Variants in CCSER2 observed in about 807,000 individuals in gnomAD.
CCSER2 encodes coiled-coil serine rich protein 2.
Under a neutral mutation model 92.3 loss-of-function variants are expected in CCSER2, and 46 were observed. The observed-to-expected ratio is 0.50, with a 90% CI of 0.39 to 0.64. The LOEUF is 0.64. Ranked by LOEUF, CCSER2 falls within the 30% of genes least tolerant of loss-of-function variation. CCSER2 has a pLI of 0.00. For synonymous variants in CCSER2, 433 were observed against 431.4 expected, an observed-to-expected ratio of 1.00 and a Z score of -0.04; for missense variants, 1,244 against 1,238.9, an observed-to-expected ratio of 1.00 and a Z score of -0.06.
intron 3 of CCSER2, chr10:84,374,033 A>G: frequency 5.7e-6 from 6 of 1,046,010 alleles, no homozygotes; most frequent in Non-Finnish European, 8.0e-6. Context: ...ACATGTTTAC[A>G]TATATATTCC....
At chr10:84,512,366 CAGTG>C (rs1849394228) in intron 9 of CCSER2, among the ~76,000 whole-genome samples, 1 of 97,146 alleles carries the variant, frequency 1.0e-5, no homozygotes, top group African/African-American at 3.9e-5. Context: ...ATTATTTAAA[CAGTG>C]TGTGTGTGTG....
intron 5 of CCSER2, among the ~76,000 whole-genome samples, chr10:84,428,985 G>GTATATATATA (rs60243946): frequency 0.024 from 3,352 of 140,196 alleles, 51 homozygotes; most frequent in Middle Eastern, 0.037. Context: ...GTGTGTATGT[G>GTATATATATA]TATATATATA....
intron 3 of CCSER2, among the ~76,000 whole-genome samples, chr10:84,407,629 GT>G (rs1358525294): frequency 6.6e-6 from 1 of 152,198 alleles, no homozygotes; most frequent in Non-Finnish European, 1.5e-5. Context: ...AACAAAACTG[GT>G]TTTTCTGTCT....
chr10:84,483,268 C>T (rs1368697833), intron 9 of CCSER2, among the ~76,000 whole-genome samples: 1 of 151,664 alleles, frequency 6.6e-6, no homozygotes, highest in African/African-American at 2.4e-5. Flanking sequence ...TGGTGCATGC[C>T]AATAATCCGA....
intron 1 of CCSER2, among the ~76,000 whole-genome samples, chr10:84,364,183 G>C (rs778901260): frequency 6.6e-6 from 1 of 152,116 alleles, no homozygotes; most frequent in Non-Finnish European, 1.5e-5. Context: ...GAATGTGAAG[G>C]CCTAAGACAT....
At chr10:84,449,512 C>G (rs570873812) in intron 6 of CCSER2, among the ~76,000 whole-genome samples, 2 of 152,282 alleles carry the variant, frequency 1.3e-5, no homozygotes, top group East Asian at 3.9e-4. Flanking sequence ...TGTAATAGCT[C>G]TTACTTCAGG....
At chr10:84,420,758 C>T (rs543376142) in intron 4 of CCSER2, among the ~76,000 whole-genome samples, 10 of 151,906 alleles carry the variant, frequency 6.6e-5, no homozygotes, top group Admixed American at 1.3e-4. Context: ...ATGGTGAAAC[C>T]CTGTCTCTAC....
chr10:84,369,454 T>G (rs548496695), intron 1 of CCSER2, among the ~76,000 whole-genome samples: 1 of 152,262 alleles, frequency 6.6e-6, no homozygotes, highest in East Asian at 1.9e-4. Context: ...TCTTGGTCAT[T>G]GTATACCTTC....
intron 1 of CCSER2, among the ~76,000 whole-genome samples, chr10:84,350,361 A>T (rs557732896): frequency 3.3e-5 from 5 of 150,188 alleles, no homozygotes; most frequent in Non-Finnish European, 7.4e-5. Context: ...AGCACTTATG[A>T]TTTGTAATTA....
intron 1 of CCSER2, among the ~76,000 whole-genome samples, chr10:84,348,260 G>A (rs1280925838): frequency 6.6e-6 from 1 of 152,234 alleles, no homozygotes; most frequent in African/African-American, 2.4e-5. Context: ...AGACCCGCCC[G>A]GCCAACACAG....
intron 1 of CCSER2, among the ~76,000 whole-genome samples, chr10:84,341,302 A>T: frequency 6.8e-6 from 1 of 147,444 alleles, no homozygotes; most frequent in Non-Finnish European, 1.5e-5. Flanking sequence ...CCAAAGTGTT[A>T]GAATTACAGG....
At chr10:84,331,786 T>C (rs567423263) in intron 1 of CCSER2, among the ~76,000 whole-genome samples, 2 of 152,378 alleles carry the variant, frequency 1.3e-5, no homozygotes, top group South Asian at 4.1e-4. Flanking sequence ...TTATTTCTTG[T>C]CATATCAGTG....
intron 6 of CCSER2, among the ~76,000 whole-genome samples, chr10:84,448,562 G>T (rs1338836881): frequency 2.6e-5 from 4 of 151,998 alleles, no homozygotes; most frequent in African/African-American, 9.7e-5. Flanking sequence ...GTGAAGAGGA[G>T]AATTTAAAAA....
intron 3 of CCSER2, among the ~76,000 whole-genome samples, chr10:84,378,364 TATC>T (rs1302985839): frequency 3.3e-5 from 5 of 151,796 alleles, no homozygotes; most frequent in Admixed American, 1.3e-4. Context: ...CGTGATGTAT[TATC>T]TTTTCAAATG....
chr10:84,470,013 A>ATTTTTTTTTTTTTTTTTTT (rs67106487), intron 7 of CCSER2, among the ~76,000 whole-genome samples: 2 of 96,524 alleles, frequency 2.1e-5, no homozygotes, highest in Admixed American at 1.0e-4. Context: ...TTTGTATGTG[A>ATTTTTTTTTTTTTTTTTTT]TTTTTTTTTT....
chr10:84,335,895 T>C (rs1369983622), intron 1 of CCSER2, among the ~76,000 whole-genome samples: 1 of 152,204 alleles, frequency 6.6e-6, no homozygotes, highest in Non-Finnish European at 1.5e-5. Context: ...TTTAAGTCTG[T>C]AGAATGGACT....
intron 1 of CCSER2, among the ~76,000 whole-genome samples, chr10:84,363,632 T>A (rs1405515702): frequency 1.3e-5 from 2 of 152,120 alleles, no homozygotes; most frequent in African/African-American, 4.8e-5. Context: ...CCTCAGATGA[T>A]GAGGTAATGG....
intron 7 of CCSER2, among the ~76,000 whole-genome samples, chr10:84,465,959 C>T (rs1667483299): frequency 6.6e-6 from 1 of 152,166 alleles, no homozygotes; most frequent in African/African-American, 2.4e-5. Flanking sequence ...ACCGTGGTCT[C>T]AATCTCCTGA....
At chr10:84,409,332 A>G (rs1842532050) in intron 3 of CCSER2, among the ~76,000 whole-genome samples, 1 of 150,260 alleles carries the variant, frequency 6.7e-6, no homozygotes, top group Admixed American at 6.7e-5. Flanking sequence ...TAGAGATGGG[A>G]TCTCCTTATG....
Sources: gnomAD v4.1 joint callset for allele counts (sites outside exome capture counted in the v4.1 genomes callset) on GRCh38, gnomAD v4.1.1 for gene constraint, MANE v1.5 for transcripts, NCBI Gene and HGNC (gene_info 2026-07-23, HGNC 2026-07-21) for gene names.